Variants in TAFA2 observed in about 807,000 individuals in gnomAD.
TAFA2 encodes the protein TAFA chemokine like family member 2.
TAFA2 carries 7 observed loss-of-function variants against 18.8 expected under a neutral mutation model. That is an observed-to-expected ratio of 0.37 (90% confidence interval 0.21 to 0.70). The LOEUF (loss-of-function observed/expected upper bound fraction) is 0.70, where lower values mean the gene tolerates loss of function less well. TAFA2 is among the 30% of genes least tolerant of loss of function. The pLI is 0.53. For synonymous variants in TAFA2, 60 were observed against 54.2 expected (o/e 1.11, Z -0.47); for missense variants, 122 against 158.1 (o/e 0.77, Z 1.23).
intron 1 of TAFA2, among the ~76,000 whole-genome samples, chr12:62,109,119 C>T (rs146822731): frequency 1.6e-4 from 25 of 152,140 alleles, no homozygotes; most frequent in African/African-American, 5.5e-4. Context: ...TTAGGTTTTA[C>T]GTTTAAGTCT....
At chr12:61,887,332 G>T (rs938375651) in intron 1 of TAFA2, among the ~76,000 whole-genome samples, 2 of 152,120 alleles carry the variant, frequency 1.3e-5, no homozygotes, top group Non-Finnish European at 2.9e-5. Flanking sequence ...AGAAAATATT[G>T]CTTCCTACCT....
intron 1 of TAFA2, among the ~76,000 whole-genome samples, chr12:61,868,341 T>G (rs1874445207): frequency 6.6e-6 from 1 of 152,144 alleles, no homozygotes; most frequent in Non-Finnish European, 1.5e-5. Flanking sequence ...CTTGCATTAA[T>G]CACTGGGGGA....
intron 4 of TAFA2, among the ~76,000 whole-genome samples, chr12:61,739,912 T>G: frequency 6.6e-6 from 1 of 152,104 alleles, no homozygotes; most frequent in Non-Finnish European, 1.5e-5. Flanking sequence ...TCTTTCAAGA[T>G]AGAATAAATG....
At chr12:62,021,023 T>G in intron 1 of TAFA2, among the ~76,000 whole-genome samples, 1 of 152,194 alleles carries the variant, frequency 6.6e-6, no homozygotes, top group East Asian at 1.9e-4. Flanking sequence ...GTAGCAGAGA[T>G]AAGTAGTTGC....
At chr12:61,828,202 GA>G (rs1371816729) in intron 2 of TAFA2, among the ~76,000 whole-genome samples, 1 of 151,844 alleles carries the variant, frequency 6.6e-6, no homozygotes, top group Non-Finnish European at 1.5e-5. Flanking sequence ...TTCTACATGT[GA>G]GAGAGGAAGG....
chr12:61,928,222 C>A (rs76832894), intron 1 of TAFA2, among the ~76,000 whole-genome samples: 1 of 152,184 alleles, frequency 6.6e-6, no homozygotes, highest in Non-Finnish European at 1.5e-5. Context: ...AGTGTATAGG[C>A]AACCTACAGA....
chr12:62,105,051 C>CT (rs886890174), intron 1 of TAFA2: 282 of 185,366 alleles, frequency 1.5e-3, no homozygotes, highest in African/African-American at 4.7e-3. Flanking sequence ...AAAGGTCTCC[C>CT]TTTTTTTTGT....
intron 4 of TAFA2, among the ~76,000 whole-genome samples, chr12:61,741,228 T>C (rs759753786): frequency 2.6e-4 from 39 of 151,106 alleles, no homozygotes; most frequent in Non-Finnish European, 5.1e-4. Flanking sequence ...ATTTTTTATA[T>C]GCAAATTATC....
chr12:61,936,193 G>C (rs1877758597), intron 1 of TAFA2, among the ~76,000 whole-genome samples: 1 of 152,114 alleles, frequency 6.6e-6, no homozygotes, highest in African/African-American at 2.4e-5. Flanking sequence ...GTCAATAAAT[G>C]CAATACATCA....
chr12:61,937,004 A>G (rs1877796054), intron 1 of TAFA2, among the ~76,000 whole-genome samples: 1 of 152,204 alleles, frequency 6.6e-6, no homozygotes, highest in African/African-American at 2.4e-5. Flanking sequence ...TAGCACTGCT[A>G]TCACCAACAA....
chr12:61,895,397 C>T (rs764374509), intron 1 of TAFA2, among the ~76,000 whole-genome samples: 2 of 152,054 alleles, frequency 1.3e-5, no homozygotes, highest in Admixed American at 1.3e-4. Flanking sequence ...AAAGCATACA[C>T]TACCCCTCCC....
intron 2 of TAFA2, among the ~76,000 whole-genome samples, chr12:61,799,560 C>T (rs1464213017): frequency 6.6e-6 from 1 of 152,252 alleles, no homozygotes; most frequent in Non-Finnish European, 1.5e-5. Flanking sequence ...CGGTGGCTCA[C>T]GCCTGTAACC....
chr12:61,979,064 A>G (rs549185825), intron 1 of TAFA2, among the ~76,000 whole-genome samples: 48 of 152,256 alleles, frequency 3.2e-4, no homozygotes, highest in Non-Finnish European at 5.9e-4. Context: ...ATAATAGGTT[A>G]TAATGTGAAA....
chr12:62,177,248 A>G (rs11174361), intron 1 of TAFA2, among the ~76,000 whole-genome samples: 20,437 of 152,028 alleles, frequency 0.13, 1,740 homozygotes, highest in East Asian at 0.34. Flanking sequence ...GAAATACAGA[A>G]CTCTGGGCAT....
chr12:61,984,060 C>T (rs1455668643), intron 1 of TAFA2, among the ~76,000 whole-genome samples: 2 of 152,140 alleles, frequency 1.3e-5, no homozygotes, highest in Non-Finnish European at 2.9e-5. Context: ...AACACGCACT[C>T]ATTTTACCAA....
At chr12:62,223,477 A>G (rs2062772869) in intron 1 of TAFA2, among the ~76,000 whole-genome samples, 1 of 152,202 alleles carries the variant, frequency 6.6e-6, no homozygotes, top group African/African-American at 2.4e-5. Context: ...AGACCATTCA[A>G]TTCAGATAGG....
At chr12:61,877,055 A>G (rs1475196360) in intron 1 of TAFA2, among the ~76,000 whole-genome samples, 1 of 152,224 alleles carries the variant, frequency 6.6e-6, no homozygotes, top group Non-Finnish European at 1.5e-5. Flanking sequence ...AGATTTTAAT[A>G]TAACAAAGTA....
chr12:61,837,551 T>C (rs1872985460), intron 2 of TAFA2, among the ~76,000 whole-genome samples: 1 of 152,026 alleles, frequency 6.6e-6, no homozygotes, highest in African/African-American at 2.4e-5. Context: ...ATCTTTGAAC[T>C]TCATCTCAAA....
At chr12:62,139,123 A>G (rs541041798) in intron 1 of TAFA2, among the ~76,000 whole-genome samples, 2 of 152,262 alleles carry the variant, frequency 1.3e-5, no homozygotes, top group South Asian at 4.1e-4. Flanking sequence ...ACCTTTACCA[A>G]CCTAGGAAAA....
Sources: allele counts gnomAD v4.1 joint callset (sites outside exome capture counted in the v4.1 genomes callset), GRCh38; gene constraint gnomAD v4.1.1; transcripts MANE v1.5; gene names NCBI Gene and HGNC (gene_info 2026-07-23, HGNC 2026-07-21).